Variants in DLG2 observed in about 807,000 individuals in gnomAD.
DLG2 encodes the protein disks large homolog 2.
A neutral mutation model predicts 132.5 loss-of-function variants in DLG2; 45 were observed. The ratio of observed to expected loss-of-function variants is 0.34; its 90% CI spans 0.27 to 0.44. The LOEUF (loss-of-function observed/expected upper bound fraction) is 0.44, where lower values mean the gene tolerates loss of function less well. DLG2 is among the 20% of genes least tolerant of loss of function. DLG2 has a pLI of 1.00. For synonymous variants in DLG2, 424 were observed against 419.6 expected (o/e 1.01, Z -0.13); for missense variants, 1,045 against 1,196.9 (o/e 0.87, Z 1.87).
At chr11:85,141,497 C>A (rs1250619132) in intron 5 of DLG2, among the ~76,000 whole-genome samples, 1 of 151,570 alleles carries the variant, frequency 6.6e-6, no homozygotes, top group African/African-American at 2.4e-5. Flanking sequence ...TATTTCCTCC[C>A]ATTGTATAAT....
chr11:84,621,436 T>A (rs768504152), intron 6 of DLG2, among the ~76,000 whole-genome samples: 4 of 152,100 alleles, frequency 2.6e-5, no homozygotes, highest in Non-Finnish European at 5.9e-5. Flanking sequence ...ATAGATGGAT[T>A]TCCTCAATGA....
intron 7 of DLG2, among the ~76,000 whole-genome samples, chr11:84,504,479 C>T (rs1385697748): frequency 6.6e-6 from 1 of 152,122 alleles, no homozygotes; most frequent in Non-Finnish European, 1.5e-5. Context: ...GCATGTAAAA[C>T]CTTATTACTT....
At position 84,959,095 on chromosome 11, in the gene DLG2, A is replaced by G. The variant is rs1195789897; in HGVS notation, c.357+152566T>C. ...CTTCCCACCAGAGACAAAATTATAT[A>G]TAGCCTGACTTTGCTTTAATGCTCA... On this transcript the variant is annotated intron_variant, in intron 6 of 27. Transcript: ENST00000376104. Among the ~76,000 whole-genome samples the G allele has an allele frequency of 8.5e-5, 13 of 152,320 alleles. No individual in the cohort carries two copies. The East Asian group carries it at 2.3e-3, about 27-fold the overall frequency.
chr11:84,090,837 A>T (rs1334855729), intron 10 of DLG2, among the ~76,000 whole-genome samples: 1 of 152,248 alleles, frequency 6.6e-6, no homozygotes, highest in Non-Finnish European at 1.5e-5. Context: ...TATATTTAAA[A>T]TGCTCATAAA....
chr11:84,316,902 G>A, intron 7 of DLG2: 2 of 1,612,860 alleles, frequency 1.2e-6, no homozygotes, highest in Non-Finnish European at 8.5e-7. Context: ...CTCGTCTTGT[G>A]GGGGCTTTTC....
intron 6 of DLG2, among the ~76,000 whole-genome samples, chr11:84,966,429 A>T (rs1356673313): frequency 1.3e-5 from 2 of 152,102 alleles, no homozygotes; most frequent in Non-Finnish European, 2.9e-5. Context: ...AAACCATCAC[A>T]GAAAACAATA....
chr11:83,707,760 G>A lies in DLG2; in HGVS notation c.1826-74435C>T, dbSNP rs193286354. The stretch of plus-strand genomic sequence containing the variant: ...TTGGTTGAGTGTCTGTTCCCTCTCA[G>A]TGCACTCACGGTTCTTGAAAGCAGG... On this transcript the variant is annotated intron_variant, in intron 18 of 27. Transcript: ENST00000376104. 2.6e-3 allele frequency among the ~76,000 whole-genome samples: 392 copies of A among 152,304 alleles called. 3 individuals carry two copies. Among genetic ancestry groups the A allele is most frequent in the African/African-American group, 7.1e-3 (295 of 41,566 alleles).
At chr11:85,053,014 C>A (rs775994458) in intron 6 of DLG2, among the ~76,000 whole-genome samples, 2 of 152,080 alleles carry the variant, frequency 1.3e-5, no homozygotes, top group Non-Finnish European at 2.9e-5. Flanking sequence ...AAATTTTTTT[C>A]TACATTGTCA....
chr11:85,476,129 C>A (rs1001850939), intron 3 of DLG2, among the ~76,000 whole-genome samples: 2 of 152,104 alleles, frequency 1.3e-5, no homozygotes, highest in Admixed American at 6.5e-5. Flanking sequence ...TATAGCCTAT[C>A]GCTCCTAGGC....
At chr11:84,644,987 C>A (rs1339004430) in intron 6 of DLG2, among the ~76,000 whole-genome samples, 1 of 152,154 alleles carries the variant, frequency 6.6e-6, no homozygotes, top group Non-Finnish European at 1.5e-5. Flanking sequence ...GCAGCACATT[C>A]TCGATTATCT....
chr11:83,775,868 G>A (rs375082175), intron 18 of DLG2, among the ~76,000 whole-genome samples: 3 of 152,042 alleles, frequency 2.0e-5, no homozygotes, highest in East Asian at 3.9e-4. Context: ...CAAGGCGGGC[G>A]GATCACAAGA....
At chr11:83,831,554 G>A (rs1488883323) in intron 17 of DLG2, among the ~76,000 whole-genome samples, 1 of 151,800 alleles carries the variant, frequency 6.6e-6, no homozygotes, top group Non-Finnish European at 1.5e-5. Context: ...GAGAGAGAGA[G>A]AAAGAGAGAG....
chr11:84,521,562 G>A (rs888951125), intron 7 of DLG2, among the ~76,000 whole-genome samples: 3 of 152,138 alleles, frequency 2.0e-5, no homozygotes, highest in African/African-American at 4.8e-5. Context: ...TGGATATTGC[G>A]TTATCTGATT....
intron 2 of DLG2, among the ~76,000 whole-genome samples, chr11:85,611,175 CA>C (rs2080974032): frequency 6.6e-6 from 1 of 152,176 alleles, no homozygotes; most frequent in Non-Finnish European, 1.5e-5. Context: ...GATGTAGTAG[CA>C]AAAGGCTGGC....
rs115552557 is a variant in DLG2, at chr11:83,664,947, C to T, written c.1826-31622G>A. Among the ~76,000 whole-genome samples the T allele has an allele frequency of 2.2e-3, 340 of 152,250 alleles. 4 individuals carry two copies. Among genetic ancestry groups the T allele is most frequent in the African/African-American group, 7.7e-3 (320 of 41,556 alleles). On this transcript the variant is annotated intron_variant, in intron 18 of 27. Coordinates refer to ENST00000376104, the MANE Select transcript of DLG2 (RefSeq NM_001142699.3). ...CTCAACTAGAGTTTGAGGACAGAGACCACATTTTTTTGCATGGCTGAAAAT... is the reference window on the plus strand; with the variant it reads ...CTCAACTAGAGTTTGAGGACAGAGATCACATTTTTTTGCATGGCTGAAAAT...
intron 6 of DLG2, among the ~76,000 whole-genome samples, chr11:84,754,292 GAT>G: frequency 6.6e-6 from 1 of 152,172 alleles, no homozygotes. Flanking sequence ...GATCGGTAGA[GAT>G]AGGAAATGAA....
intron 10 of DLG2, among the ~76,000 whole-genome samples, chr11:84,098,088 A>T (rs1050982565): frequency 4.4e-5 from 6 of 134,888 alleles, no homozygotes; most frequent in Admixed American, 3.4e-4. Context: ...TCACTCTGTC[A>T]CCCAGGCGGG....
intron 6 of DLG2, among the ~76,000 whole-genome samples, chr11:85,068,493 C>T (rs577538435): frequency 7.6e-4 from 115 of 152,184 alleles, no homozygotes; most frequent in African/African-American, 2.7e-3. Context: ...CACAAGCATT[C>T]TTATACACCA....
chr11:83,493,883 T>C (rs1458684861), intron 21 of DLG2, among the ~76,000 whole-genome samples: 9 of 152,150 alleles, frequency 5.9e-5, no homozygotes, highest in African/African-American at 2.2e-4. Context: ...TTAACAATAA[T>C]AGAACTGTCA....
Sources: allele counts gnomAD v4.1 joint callset (sites outside exome capture counted in the v4.1 genomes callset), GRCh38; gene constraint gnomAD v4.1.1; transcripts MANE v1.5; gene names NCBI Gene and HGNC (gene_info 2026-07-23, HGNC 2026-07-21).